SPOCK3: variants seen among roughly 807,000 people sequenced by gnomAD.
SPOCK3 encodes the protein testican-3.
SPOCK3 carries 30 observed loss-of-function variants against 56.6 expected under a neutral mutation model. That is an observed-to-expected ratio of 0.53 (90% CI 0.40 to 0.72). The LOEUF is 0.72. Ranked by LOEUF, SPOCK3 falls within the 30% of genes least tolerant of loss-of-function variation. SPOCK3 has a pLI of 0.00. For missense variants in SPOCK3, 527 were observed against 530.0 expected (o/e 0.99, Z 0.06); for synonymous variants, 196 against 183.3 (o/e 1.07, Z -0.56).
intron 2 of SPOCK3, among the ~76,000 whole-genome samples, chr4:167,114,445 G>C (rs1052069648): frequency 6.6e-6 from 1 of 152,104 alleles, no homozygotes. Flanking sequence ...TCCTAAGACA[G>C]CCAAGATTAA....
chr4:167,112,966 G>A (rs1761029383), intron 2 of SPOCK3, among the ~76,000 whole-genome samples: 1 of 152,082 alleles, frequency 6.6e-6, no homozygotes, highest in Non-Finnish European at 1.5e-5. Flanking sequence ...TGGATAACTA[G>A]ATTTCCTCCC....
intron 2 of SPOCK3, among the ~76,000 whole-genome samples, chr4:167,120,366 A>G (rs1761766127): frequency 6.6e-6 from 1 of 152,036 alleles, no homozygotes; most frequent in Non-Finnish European, 1.5e-5. Context: ...GGTACATAGT[A>G]AGGTTGTAGA....
In SPOCK3 at chr4:167,036,792, TA is replaced by T. The variant is rs147158051; in HGVS notation, c.235+25699del. Among the ~76,000 whole-genome samples, 594 of 152,048 alleles carry T rather than the reference TA, an allele frequency of 3.9e-3. 1 individual carries two copies. The highest frequency in any genetic ancestry group is 6.5e-3 in the Non-Finnish European group (440 of 68,012). ...TACGACTCTCTAGGTTTTTATGGTTTATTTTTTTTTAATATTTAGATGGCTT... is the reference window on the plus strand; with the variant it reads ...TACGACTCTCTAGGTTTTTATGGTTTTTTTTTTTTAATATTTAGATGGCTT... On this transcript the variant is annotated intron_variant, in intron 3 of 10. Transcript: ENST00000357545.
chr4:167,014,718 T>A (rs1750437878), intron 3 of SPOCK3, among the ~76,000 whole-genome samples: 1 of 151,880 alleles, frequency 6.6e-6, no homozygotes, highest in African/African-American at 2.4e-5. Context: ...GAAAGCTGTG[T>A]CAAACATTGC....
intron 2 of SPOCK3, among the ~76,000 whole-genome samples, chr4:167,139,719 G>T (rs1763381468): frequency 6.6e-6 from 1 of 151,870 alleles, no homozygotes; most frequent in Admixed American, 6.6e-5. Context: ...TTATTTCCCT[G>T]AATTTCATTT....
intron 2 of SPOCK3, among the ~76,000 whole-genome samples, chr4:167,064,651 A>G (rs529976671): frequency 1.3e-4 from 19 of 151,906 alleles, no homozygotes; most frequent in African/African-American, 4.1e-4. Context: ...CTAGACATGC[A>G]CACGTGAGTG....
intron 5 of SPOCK3, among the ~76,000 whole-genome samples, chr4:166,902,875 T>C (rs546193860): frequency 6.6e-6 from 1 of 150,870 alleles, no homozygotes; most frequent in East Asian, 1.9e-4. Context: ...TTCAATATCT[T>C]TTTAAATGTT....
At chr4:166,952,168 G>A (rs1034797015) in intron 4 of SPOCK3, among the ~76,000 whole-genome samples, 1 of 152,104 alleles carries the variant, frequency 6.6e-6, no homozygotes, top group Non-Finnish European at 1.5e-5. Context: ...CGACATGATT[G>A]TGTATCTAGA....
At chr4:166,889,079 T>C in intron 6 of SPOCK3, 51 bp downstream of exon 6, 1 of 1,148,668 alleles carries the variant, frequency 8.7e-7, no homozygotes, top group South Asian at 1.3e-5. Flanking sequence ...TGCAAAACAT[T>C]TTAGTAGAGA....
intron 2 of SPOCK3, among the ~76,000 whole-genome samples, chr4:167,155,628 C>T (rs1764751783): frequency 6.6e-6 from 1 of 152,108 alleles, no homozygotes; most frequent in Non-Finnish European, 1.5e-5. Context: ...AAAACTTTCA[C>T]AGAATAAATT....
chr4:167,167,595 C>T (rs1730092809), intron 2 of SPOCK3, among the ~76,000 whole-genome samples: 1 of 152,042 alleles, frequency 6.6e-6, no homozygotes, highest in Non-Finnish European at 1.5e-5. Flanking sequence ...ACAATTCATC[C>T]TAAGAAGTAC....
At chr4:167,051,585 T>G (rs1164109046) in intron 3 of SPOCK3, among the ~76,000 whole-genome samples, 1 of 152,200 alleles carries the variant, frequency 6.6e-6, no homozygotes, top group Non-Finnish European at 1.5e-5. Context: ...AAAACCACTG[T>G]AAAACCCAAT....
At chr4:167,093,170 C>T (rs144492727) in intron 2 of SPOCK3, among the ~76,000 whole-genome samples, 40 of 152,246 alleles carry the variant, frequency 2.6e-4, no homozygotes, top group Admixed American at 7.2e-4. Context: ...TTATTTATTG[C>T]ACATGCCATA....
intron 7 of SPOCK3, among the ~76,000 whole-genome samples, chr4:166,767,586 G>T (rs1738272809): frequency 6.6e-6 from 1 of 152,148 alleles, no homozygotes; most frequent in South Asian, 2.1e-4. Context: ...TTTTACATTT[G>T]CTGAGGAGTG....
chr4:166,887,185 CAT>C (rs1213638815), intron 6 of SPOCK3, among the ~76,000 whole-genome samples: 1 of 152,142 alleles, frequency 6.6e-6, no homozygotes, highest in Non-Finnish European at 1.5e-5. Context: ...CTTTAATGCA[CAT>C]AGAGTTCCTT....
intron 7 of SPOCK3, among the ~76,000 whole-genome samples, chr4:166,769,751 G>C (rs909885230): frequency 2.6e-5 from 4 of 152,176 alleles, no homozygotes; most frequent in African/African-American, 7.2e-5. Flanking sequence ...AGGGGTTTCT[G>C]CTGCCTTTTG....
chr4:166,978,443 C>G (rs531895805), intron 4 of SPOCK3, among the ~76,000 whole-genome samples: 1 of 152,086 alleles, frequency 6.6e-6, no homozygotes, highest in Admixed American at 6.6e-5. Context: ...ATTGTTTGAA[C>G]AAAATTTTAA....
chr4:167,070,435 AATAAT>A (rs767339189), intron 2 of SPOCK3, among the ~76,000 whole-genome samples: 54 of 152,078 alleles, frequency 3.6e-4, no homozygotes, highest in Non-Finnish European at 6.8e-4. Flanking sequence ...CAGAAATATA[AATAAT>A]ATAATGATTT....
chr4:166,851,127 T>G lies in SPOCK3; in HGVS notation c.589+38003A>C, dbSNP rs375997959. Among the ~76,000 whole-genome samples, 717 of 151,092 alleles carry G rather than the reference T, an allele frequency of 4.7e-3. 6 individuals are homozygous for G. The highest frequency in any genetic ancestry group is 0.047 in the East Asian group (242 of 5,162). ...AGCACGCAGCTGGAGATCTGAGAAC[T>G]GGCAGACTGCCTCCTCAAGTGGGTC... On this transcript the variant is annotated intron_variant, in intron 6 of 10. Coordinates refer to ENST00000357545, the MANE Select transcript of SPOCK3 (RefSeq NM_001040159.2).
Sources: gnomAD v4.1 joint callset for allele counts (sites outside exome capture counted in the v4.1 genomes callset) on GRCh38, gnomAD v4.1.1 for gene constraint, MANE v1.5 for transcripts, NCBI Gene and HGNC (gene_info 2026-07-23, HGNC 2026-07-21) for gene names.